PHIP: variants seen among roughly 807,000 people sequenced by gnomAD.
PHIP encodes the protein PH-interacting protein.
PHIP carries 54 observed loss-of-function variants against 236.8 expected under a neutral mutation model. The ratio of observed to expected loss-of-function variants is 0.23; its 90% CI spans 0.18 to 0.29. The LOEUF (loss-of-function observed/expected upper bound fraction) is 0.29, where lower values mean the gene tolerates loss of function less well. PHIP is among the 10% of genes least tolerant of loss of function. PHIP has a pLI of 1.00. For synonymous variants in PHIP, 756 were observed against 718.9 expected, an observed-to-expected ratio of 1.05 and a Z score of -0.83; for missense variants, 1,370 against 2,190.8, an observed-to-expected ratio of 0.63 and a Z score of 7.48.
intron 9 of PHIP, among the ~76,000 whole-genome samples, chr6:79,024,791 T>C (rs746271179): frequency 6.6e-6 from 1 of 152,044 alleles, no homozygotes; most frequent in Non-Finnish European, 1.5e-5. Context: ...GGCGACACAG[T>C]GAGACTCCGT....
At chr6:79,019,058 T>G (rs779417245) in intron 10 of PHIP, 31 bp downstream of exon 10, 4 of 1,522,632 alleles carry the variant, frequency 2.6e-6, no homozygotes, top group Non-Finnish European at 9.1e-7. Flanking sequence ...TGAACAACTT[T>G]AAGTCGAAAA....
intron 38 of PHIP, 76 bp from the exon 39 acceptor site, chr6:78,945,573 T>C (rs1773767909): frequency 1.1e-6 from 1 of 900,828 alleles, no homozygotes; most frequent in Non-Finnish European, 1.7e-6. Context: ...ACCTGAATTA[T>C]TTGAATTAGC....
At position 78,946,089 on chromosome 6, in the gene PHIP, A is replaced by C; in HGVS notation, c.4542T>G (p.Asp1514Glu). 2 of 1,613,620 alleles carry C rather than the reference A, an allele frequency of 1.2e-6. No homozygotes were observed. Among genetic ancestry groups the C allele is most frequent in the Non-Finnish European group, 8.5e-7 (1 of 1,179,544 alleles). ...TAGATGGTTGCTCAGTGACAACTGG[A>C]TCTACAACCACTCGGTTGCTTCTGG... ...VRTRSNRVVV[D>E]PVVTEQPSTS... Residue 1514 changes from aspartate to glutamate, a missense_variant, in exon 38 of 40, where the codon GAT (aspartate) becomes GAG (glutamate). This residue lies in a region of PHIP where 309 missense variants were observed against 328.3 expected (regional missense o/e 0.94). Transcript: ENST00000275034.
intron 39 of PHIP, among the ~76,000 whole-genome samples, chr6:78,943,979 CTG>C: frequency 1.2e-5 from 1 of 85,008 alleles, no homozygotes; most frequent in African/African-American, 4.6e-5. Context: ...GAGCAAGATC[CTG>C]TCTTTTTTTA....
chr6:78,941,125 A>G lies in PHIP; in HGVS notation c.5034T>C (p.Asn1678=), dbSNP rs1484410812. The G allele has an allele frequency of 1.2e-6, 2 of 1,613,850 alleles. No individual in the cohort carries two copies. Among genetic ancestry groups the G allele is most frequent in the Admixed American group, 3.3e-5 (2 of 59,978 alleles). ...GTACTTCATCTCTGATGGGATGCAC[A>G]TTATTTTGCTCTAAATCTTCTGGCT... The part of the protein sequence containing the change: ...YAKPEDLEQN[N]VHPIRDEVLP... Residue 1678 remains asparagine (N), a synonymous_variant, in exon 40 of 40, where the codon AAT becomes AAC. Transcript: ENST00000275034.
intron 36 of PHIP, among the ~76,000 whole-genome samples, 181 bp downstream of exon 36, chr6:78,947,442 T>C (rs1773887245): frequency 6.6e-6 from 1 of 152,174 alleles, no homozygotes; most frequent in Non-Finnish European, 1.5e-5. Flanking sequence ...AAAGATAACA[T>C]CAATGTTATT....
At chr6:79,050,625 T>C (rs969909762) in intron 6 of PHIP, among the ~76,000 whole-genome samples, 3 of 152,210 alleles carry the variant, frequency 2.0e-5, no homozygotes, top group African/African-American at 7.2e-5. Context: ...ACGTTCATTC[T>C]AATTTTTTAT....
intron 7 of PHIP, among the ~76,000 whole-genome samples, chr6:79,040,140 T>C (rs1772135462): frequency 6.6e-6 from 1 of 152,182 alleles, no homozygotes; most frequent in Non-Finnish European, 1.5e-5. Context: ...ACTAATTATA[T>C]GCATTATTTC....
At chr6:78,974,270 A>G (rs1278780139) in intron 24 of PHIP, among the ~76,000 whole-genome samples, 3 of 152,140 alleles carry the variant, frequency 2.0e-5, no homozygotes, top group African/African-American at 4.8e-5. Context: ...CTGCTCCTGA[A>G]TGACTACTGG....
At chr6:79,077,980 G>A (rs754208326) in intron 1 of PHIP, 49 bp downstream of exon 1, 23 of 1,599,112 alleles carry the variant, frequency 1.4e-5, no homozygotes, top group Non-Finnish European at 2.0e-5. Flanking sequence ...GCGGGGGACC[G>A]CGGGCGGAAT....
intron 39 of PHIP, among the ~76,000 whole-genome samples, chr6:78,941,869 T>C (rs1773519509): frequency 6.6e-6 from 1 of 152,256 alleles, no homozygotes; most frequent in South Asian, 2.1e-4. Context: ...AACTCCATGA[T>C]AAAAGGCCAT....
rs141173886 is a variant in PHIP, at chr6:78,956,030, T to C, written c.3783-348A>G. 102 of 159,490 alleles carry C rather than the reference T, an allele frequency of 6.4e-4. 1 individual carries two copies. The South Asian group carries it at 7.9e-3, about 12-fold the overall frequency. 9.9% of individuals were successfully genotyped at this position (159,490 alleles called of 1,614,324 possible). ...TTATTTTTAAATGTATTTCCTAAAATTTTGTTCTTAACGCATCTTGACACT... is the reference window on the plus strand; with the variant it reads ...TTATTTTTAAATGTATTTCCTAAAACTTTGTTCTTAACGCATCTTGACACT... On this transcript the variant is annotated intron_variant, in intron 32 of 39. Transcript: ENST00000275034.
Position 78,947,794 on chromosome 6 carries a change from G to C in PHIP, c.4054-19C>G, listed in dbSNP as rs1167695184. The C allele has an allele frequency of 6.3e-7, 1 of 1,576,128 alleles. No homozygotes were observed. The highest frequency in any genetic ancestry group is 2.2e-5 in the East Asian group (1 of 44,500). On this transcript the variant is annotated intron_variant, in intron 35 of 39. Transcript: ENST00000275034. Reference sequence around the variant, plus strand: ...TGTAGTCCTAGGAGAGGGAAAACAGGTGGTGTTATGATTATTACTACACAA... The same window carrying C: ...TGTAGTCCTAGGAGAGGGAAAACAGCTGGTGTTATGATTATTACTACACAA...
intron 4 of PHIP, among the ~76,000 whole-genome samples, chr6:79,064,506 C>T (rs1773528194): frequency 6.6e-6 from 1 of 152,206 alleles, no homozygotes; most frequent in Middle Eastern, 3.2e-3. Context: ...TAGCTCTTAT[C>T]AAAAGTTCAC....
intron 19 of PHIP, among the ~76,000 whole-genome samples, chr6:78,992,714 A>C (rs565010682): frequency 3.4e-4 from 52 of 152,258 alleles, no homozygotes; most frequent in African/African-American, 1.2e-3. Flanking sequence ...AGAACAATGA[A>C]CTTAACTGAC....
intron 7 of PHIP, among the ~76,000 whole-genome samples, chr6:79,040,096 A>T (rs1025477441): frequency 1.3e-5 from 2 of 152,156 alleles, no homozygotes; most frequent in African/African-American, 2.4e-5. Context: ...TAGCAGTAGG[A>T]AAAACCTAAT....
At position 78,997,462 on chromosome 6, in the gene PHIP, G is replaced by T. The variant is rs1302539284; in HGVS notation, c.2153C>A (p.Ala718Asp). The T allele has an allele frequency of 6.2e-7, 1 of 1,613,750 alleles. No homozygotes were observed. The change falls in exon 19 of 40, where the codon GCT becomes GAT. Residue 718 changes from alanine (A) to aspartate (D), a missense_variant. Physicochemically the swap from Ala to Asp is moderately radical, Grantham distance 126. Coordinates refer to ENST00000275034, the MANE Select transcript of PHIP (RefSeq NM_017934.7). ...GGGTACTACCACCCTTCGACTCCAA[G>T]CTACCAGATCCCGCTCTGTGGCTAT... ...SEIATERDLVAWSRRVVVPEL... is the reference protein window; with the variant it reads ...SEIATERDLVDWSRRVVVPEL...
intron 35 of PHIP, among the ~76,000 whole-genome samples, chr6:78,949,700 T>C (rs1305304111): frequency 1.3e-5 from 2 of 151,838 alleles, no homozygotes; most frequent in Non-Finnish European, 2.9e-5. Context: ...TTTTTTTTTG[T>C]TGTTAATGAG....
intron 7 of PHIP, among the ~76,000 whole-genome samples, chr6:79,035,548 T>TA (rs1238692717): frequency 2.6e-5 from 4 of 152,182 alleles, no homozygotes; most frequent in African/African-American, 7.2e-5. Flanking sequence ...AAAAATATCT[T>TA]AGAGAATTTG....
Sources: allele counts gnomAD v4.1 joint callset (sites outside exome capture counted in the v4.1 genomes callset), GRCh38; gene constraint gnomAD v4.1.1; regional missense constraint gnomAD v4.1.1; transcripts MANE v1.5; gene names NCBI Gene and HGNC (gene_info 2026-07-23, HGNC 2026-07-21).